EPCAM: variants seen among roughly 807,000 people sequenced by gnomAD.
EPCAM encodes the protein epithelial cell adhesion molecule, also known as adenocarcinoma-associated antigen.
A neutral mutation model predicts 40.0 loss-of-function variants in EPCAM; 39 were observed. That is an observed-to-expected ratio of 0.98 (90% confidence interval 0.76 to 1.27). The LOEUF (loss-of-function observed/expected upper bound fraction) is 1.27. Ranked by LOEUF, EPCAM falls within the 50% of genes most tolerant of loss-of-function variation. The pLI, the probability that EPCAM is intolerant of heterozygous loss-of-function variation, is 0.00. For synonymous variants in EPCAM, 168 were observed against 132.3 expected, an observed-to-expected ratio of 1.27 and a Z score of -1.85; for missense variants, 503 against 381.2, an observed-to-expected ratio of 1.32 and a Z score of -2.66.
At chr2:47,383,305 G>GGAAAAAAAAAAAAAAAA (rs1305593102) in intron 7 of EPCAM, 5 of 124,046 alleles carry the variant, frequency 4.0e-5, no homozygotes, top group African/African-American at 1.2e-4. Context: ...GACTCCATCT[G>GGAAAAAAAAAAAAAAAA]AAAAAAAAAA....
intron 1 of EPCAM, 172 bp downstream of exon 1, chr2:47,369,753 G>A: frequency 1.3e-6 from 1 of 759,700 alleles, no homozygotes; most frequent in Non-Finnish European, 2.3e-6. Context: ...CCGCGCGGTA[G>A]GAAACGGCGA....
At position 47,374,140 on chromosome 2, in the gene EPCAM, T is replaced by A. The variant is rs367966197; in HGVS notation, c.425+92T>A. 6.3e-4 allele frequency: 923 copies of A among 1,471,098 alleles called. 15 individuals carry two copies. The South Asian group carries it at 0.01, about 17-fold the overall frequency. 91.1% of individuals were successfully genotyped at this position (1,471,098 alleles called of 1,614,324 possible). A position where few individuals can be genotyped will look rare whatever the true frequency, so the allele number is the denominator to read the frequency against. ...GATTATGTAATATGATTTCATGGTT[T>A]AGAATTCAGAAGATATGAGTGTCCA... On this transcript the variant is annotated intron_variant, in intron 3 of 8. Coordinates refer to ENST00000263735, the MANE Select transcript of EPCAM (RefSeq NM_002354.3).
Position 47,380,535 on chromosome 2 carries a change from C to G in EPCAM, c.858+566C>G, listed in dbSNP as rs530821802. 3.8e-4 allele frequency among the ~76,000 whole-genome samples: 58 copies of G among 152,130 alleles called. 1 individual carries two copies. Among genetic ancestry groups the G allele is most frequent in the Non-Finnish European group, 6.5e-4 (44 of 68,042 alleles). ...GGCCAGTTAAATTGCCATCTAGCAG[C>G]AAGCGTCTTTCAGTTGTCACTGCAA... is the stretch of plus-strand genomic sequence containing the variant. On this transcript the variant is annotated intron_variant, in intron 7 of 8. Transcript: ENST00000263735.
intron 1 of EPCAM, among the ~76,000 whole-genome samples, chr2:47,372,240 GC>G (rs1671290023): frequency 6.6e-6 from 1 of 152,144 alleles, no homozygotes. Flanking sequence ...TTCCTGTTAA[GC>G]CCCAAAGGAA....
chr2:47,376,811 A>C (rs1558436702), intron 4 of EPCAM, among the ~76,000 whole-genome samples: 1 of 152,196 alleles, frequency 6.6e-6, no homozygotes, highest in African/African-American at 2.4e-5. Context: ...TTCTTTTTCT[A>C]ATTAAACTGG....
At chr2:47,369,624 T>A (rs1015195227) in intron 1 of EPCAM, 43 bp downstream of exon 1, 1 of 1,538,788 alleles carries the variant, frequency 6.5e-7, no homozygotes, top group Non-Finnish European at 8.8e-7. Flanking sequence ...TGGGCTGGGC[T>A]GGGGGGCAGC....
intron 7 of EPCAM, among the ~76,000 whole-genome samples, chr2:47,380,732 G>A (rs1056332275): frequency 7.2e-5 from 11 of 152,218 alleles, no homozygotes; most frequent in Admixed American, 2.0e-4. Context: ...GCAAAAGAAT[G>A]TATTGCTTGA....
rs1573394980 is a variant in EPCAM at position 47,375,139 on chromosome 2, G to C, written c.426-95G>C. On this transcript the variant is annotated intron_variant, in intron 3 of 8. Transcript: ENST00000263735. Reference sequence around the variant, plus strand: ...TACTGCATAAATTTTTTTTCTCTTAGTCCTTATAATTCGAGAATTTTAGGA... The same window carrying C: ...TACTGCATAAATTTTTTTTCTCTTACTCCTTATAATTCGAGAATTTTAGGA... The C allele has an allele frequency of 9.9e-6, 9 of 909,478 alleles. No individual in the cohort carries two copies. In the East Asian group the frequency reaches 2.3e-4, roughly 23 times the overall value. 56.3% of individuals were successfully genotyped at this position (909,478 alleles called of 1,614,324 possible).
chr2:47,371,225 C>G (rs1005603021), intron 1 of EPCAM, among the ~76,000 whole-genome samples: 2 of 152,158 alleles, frequency 1.3e-5, no homozygotes, highest in Non-Finnish European at 2.9e-5. Context: ...TTCAGTTTCT[C>G]TTAACTGTGG....
Position 47,373,948 on chromosome 2 carries a change from CAGTGCAACGGCACCTCCATGTGCT to C in EPCAM, c.326_349del (p.Gln109_Trp117delinsArg). The stretch of plus-strand genomic sequence containing the variant: ...TGAGAGCGGGCTCTTTAAGGCCAAG[CAGTGCAACGGCACCTCCATGTGCT>C]GGTGTGTGAACACTGCTGGGGTCAG... On this transcript the variant is annotated inframe_deletion, in exon 3 of 9. Coordinates refer to ENST00000263735, the MANE Select transcript of EPCAM (RefSeq NM_002354.3). The C allele has an allele frequency of 6.2e-7, 1 of 1,614,120 alleles. No homozygotes were observed. Among genetic ancestry groups the C allele is most frequent in the Non-Finnish European group, 8.5e-7 (1 of 1,180,024 alleles).
intron 4 of EPCAM, 92 bp from the exon 5 acceptor site, chr2:47,376,916 CAGTTTT>C: frequency 1.3e-6 from 1 of 761,434 alleles, no homozygotes; most frequent in Non-Finnish European, 2.3e-6. Flanking sequence ...ACTTTAATGA[CAGTTTT>C]AGACCCTGAG....
chr2:47,371,269 CT>C (rs915706066), intron 1 of EPCAM, among the ~76,000 whole-genome samples: 1 of 151,944 alleles, frequency 6.6e-6, no homozygotes, highest in Non-Finnish European at 1.5e-5. Context: ...CTCTCTCTCT[CT>C]TTTTTTTGGA....
In EPCAM at chr2:47,378,972, C is replaced by A; in HGVS notation, c.575C>A (p.Thr192Asn). The A allele has an allele frequency of 6.4e-7, 1 of 1,554,760 alleles. No individual in the cohort carries two copies. The highest frequency in any genetic ancestry group is 8.9e-7 in the Non-Finnish European group (1 of 1,126,376). Reference sequence around the variant, plus strand: ...CCCCAGTATGAGAATAATGTTATCACTATTGATCTGGTTCAAAATTCTTCT... The same window carrying A: ...CCCCAGTATGAGAATAATGTTATCAATATTGATCTGGTTCAAAATTCTTCT... ...TSILYENNVI[T>N]IDLVQNSSQK... The change falls in exon 6 of 9, where the codon ACT becomes AAT. Residue 192 changes from threonine to asparagine, a missense_variant. Thr to Asn is a moderately conservative substitution (Grantham distance 65, BLOSUM62 0). Transcript: ENST00000263735.
chr2:47,385,746 T>C (rs939815210), intron 8 of EPCAM, among the ~76,000 whole-genome samples: 12 of 152,220 alleles, frequency 7.9e-5, no homozygotes, highest in African/African-American at 2.7e-4. Context: ...TGTGTCTTTG[T>C]AGTTGTATGT....
rs2103738227 is a variant in EPCAM at position 47,369,569 on chromosome 2, G to A, written c.64G>A (p.Ala22Thr). 2 of 1,589,300 alleles carry A rather than the reference G, an allele frequency of 1.3e-6. No homozygotes were observed. The highest frequency in any genetic ancestry group is 1.7e-6 in the Non-Finnish European group (2 of 1,170,862). Residue 22 changes from alanine (A) to threonine (T), a missense_variant, in exon 1 of 9, where the codon GCA becomes ACA. Physicochemically the swap from Ala to Thr is moderately conservative, Grantham distance 58 (BLOSUM62 0). Coordinates refer to ENST00000263735, the MANE Select transcript of EPCAM (RefSeq NM_002354.3). ...LLAAATATFA[A>T]AQEECVCENY... ...TGCCGCGGCGACGGCGACTTTTGCC[G>A]CAGCTCAGGAAGGTGAGGCGCGGAT...
intron 5 of EPCAM, among the ~76,000 whole-genome samples, chr2:47,378,682 T>G (rs752111488): frequency 1.3e-5 from 2 of 152,020 alleles, no homozygotes; most frequent in Non-Finnish European, 2.9e-5. Flanking sequence ...TTTAAAAATC[T>G]TTTCAATATA....
chr2:47,386,740 T>TTTGTGTCC lies in EPCAM; in HGVS notation c.*127_*128insTTGTGTCC. 1 of 725,528 alleles carries TTTGTGTCC rather than the reference T, an allele frequency of 1.4e-6. No homozygotes were observed. Among genetic ancestry groups the TTTGTGTCC allele is most frequent in the African/African-American group, 1.7e-5 (1 of 57,412 alleles). 44.9% of individuals were successfully genotyped at this position (725,528 alleles called of 1,614,324 possible). A position where few individuals can be genotyped will look rare whatever the true frequency, so the allele number is the denominator to read the frequency against. ...TTAGTTTAACATCATATATTTGTAA[T>TTTGTGTCC]AGTGAAACCTGTACTCAAAATATAA... On this transcript the variant is annotated 3_prime_UTR_variant, in exon 9 of 9. Coordinates refer to ENST00000263735, the MANE Select transcript of EPCAM (RefSeq NM_002354.3).
intron 6 of EPCAM, 90 bp from the exon 7 acceptor site, chr2:47,379,679 T>G: frequency 7.0e-7 from 1 of 1,425,440 alleles, no homozygotes; most frequent in Non-Finnish European, 9.7e-7. Context: ...TTGGCAGCGG[T>G]TCTTTTGGCA....
At chr2:47,381,406 AAAAAAAG>A (rs1233170463) in intron 7 of EPCAM, among the ~76,000 whole-genome samples, 2 of 151,340 alleles carry the variant, frequency 1.3e-5, no homozygotes, top group African/African-American at 4.9e-5. Context: ...AAAAAAAAAA[AAAAAAAG>A]AAATCTTACT....
Sources: gnomAD v4.1 joint callset for allele counts (sites outside exome capture counted in the v4.1 genomes callset) on GRCh38, gnomAD v4.1.1 for gene constraint, MANE v1.5 for transcripts, NCBI Gene and HGNC (gene_info 2026-07-23, HGNC 2026-07-21) for gene names.